TMEM63C: variants seen among roughly 807,000 people sequenced by gnomAD.
TMEM63C encodes osmosensitive cation channel TMEM63C.
Under a neutral mutation model 99.2 loss-of-function variants are expected in TMEM63C, and 32 were observed. That is an observed-to-expected ratio of 0.32 (90% CI 0.24 to 0.43). The LOEUF is 0.43. Ranked by LOEUF, TMEM63C falls within the 20% of genes least tolerant of loss-of-function variation. The pLI is 1.00. For missense variants in TMEM63C, 826 were observed against 1,053.0 expected, an observed-to-expected ratio of 0.78 and a Z score of 2.98; for synonymous variants, 376 against 397.9, an observed-to-expected ratio of 0.94 and a Z score of 0.66.
intron 7 of TMEM63C, among the ~76,000 whole-genome samples, 171 bp from the exon 8 acceptor site, chr14:77,233,281 G>A (rs751714072): frequency 6.6e-6 from 1 of 152,130 alleles, no homozygotes; most frequent in African/African-American, 2.4e-5. Flanking sequence ...GGGAAAAGAG[G>A]CCTCTGATGT....
At chr14:77,200,806 G>C (rs1888287075) in intron 1 of TMEM63C, among the ~76,000 whole-genome samples, 1 of 152,162 alleles carries the variant, frequency 6.6e-6, no homozygotes, top group Non-Finnish European at 1.5e-5. Context: ...TGTGTCCTCA[G>C]GCTAGAAATG....
chr14:77,241,315 TCTC>T (rs1425908059), intron 13 of TMEM63C, among the ~76,000 whole-genome samples: 1 of 152,130 alleles, frequency 6.6e-6, no homozygotes, highest in Non-Finnish European at 1.5e-5. Flanking sequence ...TGTTTGCCCT[TCTC>T]CTGCCGCAGG....
intron 5 of TMEM63C, among the ~76,000 whole-genome samples, chr14:77,224,001 C>G (rs1009274701): frequency 6.6e-6 from 1 of 152,092 alleles, no homozygotes; most frequent in African/African-American, 2.4e-5. Context: ...CCTGGGGATG[C>G]TCCCCACTGC....
At chr14:77,237,584 C>T (rs956477811) in intron 9 of TMEM63C, among the ~76,000 whole-genome samples, 7 of 152,194 alleles carry the variant, frequency 4.6e-5, no homozygotes, top group African/African-American at 1.2e-4. Flanking sequence ...GGTGAGCAAT[C>T]GTGGGTATTT....
chr14:77,252,726 C>T (rs560440036), intron 22 of TMEM63C, among the ~76,000 whole-genome samples: 1 of 152,350 alleles, frequency 6.6e-6, no homozygotes, highest in African/African-American at 2.4e-5. Flanking sequence ...AGGAGGATCT[C>T]TTTGCTTCTG....
intron 2 of TMEM63C, among the ~76,000 whole-genome samples, chr14:77,217,026 TG>T (rs1223728845): frequency 6.6e-6 from 1 of 152,124 alleles, no homozygotes. Flanking sequence ...AGAATTAGCC[TG>T]GTGTGGTGGC....
At chr14:77,225,683 C>T (rs995225810) in intron 6 of TMEM63C, among the ~76,000 whole-genome samples, 27 of 152,302 alleles carry the variant, frequency 1.8e-4, no homozygotes, top group South Asian at 8.3e-4. Context: ...CTGCCTCAGT[C>T]CTTAGGGAAG....
intron 5 of TMEM63C, among the ~76,000 whole-genome samples, chr14:77,223,681 G>A (rs1340166182): frequency 6.6e-6 from 1 of 150,520 alleles, no homozygotes; most frequent in African/African-American, 2.5e-5. Flanking sequence ...GAGAGACAGA[G>A]AGAGAGAGAG....
intron 15 of TMEM63C, among the ~76,000 whole-genome samples, chr14:77,244,051 A>G: frequency 6.6e-6 from 1 of 151,506 alleles, no homozygotes; most frequent in East Asian, 2.0e-4. Context: ...TCATCACAGC[A>G]AAGGCAATTT....
In TMEM63C at chr14:77,219,106, G is replaced by A. The variant is rs938615356; in HGVS notation, c.150+143G>A. ...CTGCCTGAATGTCAGTCCTGCCTAG[G>A]GTGGCCCCGGTAGGTGGGCCTCAAA... On this transcript the variant is annotated intron_variant, in intron 3 of 23. Transcript: ENST00000298351. 1.3e-5 allele frequency: 12 copies of A among 946,080 alleles called. No homozygotes were observed. In the East Asian group the frequency reaches 2.5e-4, roughly 20 times the overall value. 58.6% of individuals were successfully genotyped at this position (946,080 alleles called of 1,614,324 possible). A position where few individuals can be genotyped will look rare whatever the true frequency, so the allele number is the denominator to read the frequency against.
intron 1 of TMEM63C, among the ~76,000 whole-genome samples, chr14:77,184,082 A>G (rs1566613543): frequency 6.6e-6 from 1 of 152,058 alleles, no homozygotes; most frequent in Non-Finnish European, 1.5e-5. Context: ...AGGGCTTTGG[A>G]AACTTGTCAA....
At chr14:77,225,356 G>C in intron 5 of TMEM63C, 68 bp from the exon 6 acceptor site, 2 of 1,523,058 alleles carry the variant, frequency 1.3e-6, no homozygotes, top group Admixed American at 2.0e-5. Flanking sequence ...TGGCCGCCTG[G>C]GTTCCCAGAG....
chr14:77,256,334 A>G (rs1889460354), intron 23 of TMEM63C, among the ~76,000 whole-genome samples, 192 bp from the exon 24 acceptor site: 2 of 152,204 alleles, frequency 1.3e-5, no homozygotes, highest in African/African-American at 4.8e-5. Flanking sequence ...GGGAGCACCT[A>G]GATGCTCATC....
intron 1 of TMEM63C, among the ~76,000 whole-genome samples, chr14:77,212,924 C>T (rs17812376): frequency 0.16 from 23,745 of 152,208 alleles, 2,249 homozygotes; most frequent in Middle Eastern, 0.29. Context: ...TGGTCCAAGC[C>T]GCCCAACAGC....
At chr14:77,242,781 T>A in intron 14 of TMEM63C, 122 bp from the exon 15 acceptor site, 16 of 1,201,816 alleles carry the variant, frequency 1.3e-5, no homozygotes, top group Non-Finnish European at 1.7e-5. Flanking sequence ...CATGCAAGTC[T>A]GGGCCCAGGA....
intron 6 of TMEM63C, among the ~76,000 whole-genome samples, chr14:77,228,144 T>C (rs1277712073): frequency 1.3e-5 from 2 of 152,042 alleles, no homozygotes; most frequent in African/African-American, 4.8e-5. Flanking sequence ...GAGAATTAAT[T>C]GTGAGTAGGA....
chr14:77,184,968 T>G (rs1887972735), intron 1 of TMEM63C, among the ~76,000 whole-genome samples: 1 of 152,192 alleles, frequency 6.6e-6, no homozygotes, highest in Admixed American at 6.5e-5. Flanking sequence ...GCAGGATATG[T>G]ACTCAAGCTG....
At chr14:77,228,513 C>T (rs370351) in intron 6 of TMEM63C, among the ~76,000 whole-genome samples, 26,487 of 151,514 alleles carry the variant, frequency 0.17, 2,507 homozygotes, top group Non-Finnish European at 0.21. Flanking sequence ...GAAGGTGTGC[C>T]TTTTGTAGTA....
At chr14:77,242,854 C>T (rs776725835) in intron 14 of TMEM63C, 49 bp from the exon 15 acceptor site, 3 of 1,610,522 alleles carry the variant, frequency 1.9e-6, no homozygotes, top group East Asian at 2.2e-5. Context: ...CACGTGGGCT[C>T]TAAGAACTGA....
Sources: gnomAD v4.1 joint callset for allele counts (sites outside exome capture counted in the v4.1 genomes callset) on GRCh38, gnomAD v4.1.1 for gene constraint, MANE v1.5 for transcripts, NCBI Gene and HGNC (gene_info 2026-07-23, HGNC 2026-07-21) for gene names.